MCC: variants seen among roughly 807,000 people sequenced by gnomAD.
MCC encodes the protein MCC regulator of Wnt signaling pathway, also known as colorectal mutant cancer protein.
MCC carries 90 observed loss-of-function variants against 116.2 expected under a neutral mutation model. The ratio of observed to expected loss-of-function variants is 0.77; its 90% CI spans 0.65 to 0.92. MCC has a LOEUF of 0.92. Ranked by LOEUF, MCC falls within the 40% of genes least tolerant of loss-of-function variation. The pLI is 0.00. For missense variants in MCC, 1,516 were observed against 1,312.2 expected (o/e 1.16, Z -2.40); for synonymous variants, 578 against 510.5 (o/e 1.13, Z -1.78).
intron 3 of MCC, among the ~76,000 whole-genome samples, chr5:113,283,709 G>C (rs980982418): frequency 3.3e-5 from 5 of 152,148 alleles, no homozygotes; most frequent in Admixed American, 2.0e-4. Flanking sequence ...AACAATCTTT[G>C]TCAATAAAAG....
At chr5:113,040,131 A>C (rs1751599837) in intron 17 of MCC, among the ~76,000 whole-genome samples, 1 of 151,898 alleles carries the variant, frequency 6.6e-6, no homozygotes, top group East Asian at 1.9e-4. Flanking sequence ...ATGTTCACCG[A>C]AGTAGGGGGA....
At chr5:113,087,039 G>A (rs1755243209) in intron 8 of MCC, among the ~76,000 whole-genome samples, 1 of 152,190 alleles carries the variant, frequency 6.6e-6, no homozygotes, top group Non-Finnish European at 1.5e-5. Flanking sequence ...TAATCCCATA[G>A]ACAGGAAGAG....
At chr5:113,290,061 T>C (rs1304025675) in intron 3 of MCC, among the ~76,000 whole-genome samples, 2 of 152,216 alleles carry the variant, frequency 1.3e-5, no homozygotes, top group Non-Finnish European at 2.9e-5. Flanking sequence ...AGCTGCGAGC[T>C]GGCCACTTGG....
chr5:113,341,390 G>A (rs894605926), intron 2 of MCC, among the ~76,000 whole-genome samples: 2 of 151,712 alleles, frequency 1.3e-5, no homozygotes, highest in Non-Finnish European at 2.9e-5. Context: ...ATACTATGTT[G>A]CCCAGGCTGG....
chr5:113,079,593 C>T (rs1214061344), intron 11 of MCC, among the ~76,000 whole-genome samples: 1 of 152,244 alleles, frequency 6.6e-6, no homozygotes, highest in African/African-American at 2.4e-5. Flanking sequence ...GCTGGGAAAA[C>T]TGGCTAGCCA....
At chr5:113,166,103 A>C (rs2150300452) in intron 3 of MCC, among the ~76,000 whole-genome samples, 1 of 152,216 alleles carries the variant, frequency 6.6e-6, no homozygotes, top group South Asian at 2.1e-4. Context: ...CCATTCCCCC[A>C]TCTCCTTGTA....
Position 113,053,941 on chromosome 5 carries a change from G to A in MCC, c.2232C>T (p.Ala744=). The change falls in exon 15 of 19, where the codon GCC becomes GCT. Residue 744 remains alanine, a synonymous_variant. Transcript: ENST00000408903. ...NSHTSTTSST[A]SSCDTEFTKE... is the part of the protein sequence containing the mutation. ...TAGTGAACTCGGTGTCGCAACTACT[G>A]GCTGTGGAGCTGGTTGTGCTGAGAA... 6.2e-7 allele frequency: 1 copy of A among 1,612,680 alleles called. No homozygotes were observed. Among genetic ancestry groups the A allele is most frequent in the Non-Finnish European group, 8.5e-7 (1 of 1,178,924 alleles).
At chr5:113,221,107 G>A (rs917868718) in intron 3 of MCC, among the ~76,000 whole-genome samples, 5 of 152,210 alleles carry the variant, frequency 3.3e-5, no homozygotes, top group Admixed American at 1.3e-4. Context: ...AGGAGACTGA[G>A]GTGGGAGAAT....
At chr5:113,068,880 C>T (rs1753818856) in intron 12 of MCC, among the ~76,000 whole-genome samples, 1 of 152,194 alleles carries the variant, frequency 6.6e-6, no homozygotes, top group Non-Finnish European at 1.5e-5. Context: ...AGACCCTGAA[C>T]CAGAACCACC....
chr5:113,366,534 C>T (rs1174461575), intron 2 of MCC, among the ~76,000 whole-genome samples: 1 of 152,060 alleles, frequency 6.6e-6, no homozygotes, highest in Non-Finnish European at 1.5e-5. Context: ...AATATATAGC[C>T]CTCTAGGCTT....
chr5:113,090,017 T>TA (rs1185064185), intron 8 of MCC, among the ~76,000 whole-genome samples: 1 of 152,084 alleles, frequency 6.6e-6, no homozygotes, highest in Non-Finnish European at 1.5e-5. Flanking sequence ...AGTCAACAAT[T>TA]AGAGATGTAA....
chr5:113,231,634 TTCC>T (rs1763944066), intron 3 of MCC, among the ~76,000 whole-genome samples: 1 of 152,184 alleles, frequency 6.6e-6, no homozygotes, highest in South Asian at 2.1e-4. Context: ...AAAATGGAAT[TTCC>T]TCCTAGGAAG....
At chr5:113,190,357 T>C (rs1451580295) in intron 3 of MCC, among the ~76,000 whole-genome samples, 1 of 152,084 alleles carries the variant, frequency 6.6e-6, no homozygotes, top group African/African-American at 2.4e-5. Flanking sequence ...GCAATCGCGC[T>C]TCCCTAGATC....
intron 1 of MCC, among the ~76,000 whole-genome samples, chr5:113,441,142 C>T (rs1028620828): frequency 3.9e-5 from 6 of 152,190 alleles, no homozygotes; most frequent in Non-Finnish European, 4.4e-5. Flanking sequence ...TGAGACCAGA[C>T]TGGCCAACAT....
intron 1 of MCC, among the ~76,000 whole-genome samples, chr5:113,405,447 G>A (rs191748938): frequency 6.6e-6 from 1 of 152,230 alleles, no homozygotes; most frequent in Non-Finnish European, 1.5e-5. Context: ...AGATAAAAAA[G>A]GTATTAAAAT....
chr5:113,157,565 G>A (rs962168428), intron 3 of MCC, among the ~76,000 whole-genome samples: 4 of 152,192 alleles, frequency 2.6e-5, no homozygotes, highest in Non-Finnish European at 5.9e-5. Flanking sequence ...CAGTCTTCCC[G>A]GCTTTGTTGG....
intron 14 of MCC, among the ~76,000 whole-genome samples, chr5:113,055,231 T>C (rs1362519149): frequency 6.6e-6 from 1 of 152,158 alleles, no homozygotes; most frequent in African/African-American, 2.4e-5. Flanking sequence ...GCCCTGTCCT[T>C]GTCCCCAGAA....
chr5:113,071,046 A>T (rs754767591), intron 12 of MCC, 48 bp downstream of exon 12: 4 of 1,578,866 alleles, frequency 2.5e-6, no homozygotes, highest in Non-Finnish European at 3.5e-6. Flanking sequence ...GTTACTCTGG[A>T]TGCACTTCTA....
At chr5:113,040,988 G>C (rs1440390184) in intron 17 of MCC, among the ~76,000 whole-genome samples, 1 of 152,216 alleles carries the variant, frequency 6.6e-6, no homozygotes, top group Non-Finnish European at 1.5e-5. Flanking sequence ...TGGAAATAGC[G>C]AGTGGGATTT....
Sources: gnomAD v4.1 joint callset for allele counts (sites outside exome capture counted in the v4.1 genomes callset) on GRCh38, gnomAD v4.1.1 for gene constraint, MANE v1.5 for transcripts, NCBI Gene and HGNC (gene_info 2026-07-23, HGNC 2026-07-21) for gene names.